C2CD2L: variants seen among roughly 807,000 people sequenced by gnomAD.
C2CD2L encodes the protein C2CD2 like, also known as phospholipid transfer protein C2CD2L.
In C2CD2L, 24 loss-of-function variants were observed where a neutral mutation model predicts 69.9. That is an observed-to-expected ratio of 0.34 (90% CI 0.25 to 0.48). The LOEUF is 0.48. Among genes scored for constraint, C2CD2L ranks in the 20% least tolerant of loss-of-function variants. The pLI is 0.99. For synonymous variants in C2CD2L, 367 were observed against 391.0 expected (o/e 0.94, Z 0.72); for missense variants, 811 against 941.5 (o/e 0.86, Z 1.81).
rs1268917504 is a variant in C2CD2L, at chr11:119,109,959, C to T, written c.355-145C>T. ...AGGCCTTGAGGGGACTACCTCCTGT[C>T]TTAAAGCCCTGAGCCAAGGAGGGGC... is the stretch of plus-strand genomic sequence containing the variant. On this transcript the variant is annotated intron_variant, in intron 1 of 13. Transcript: ENST00000648610. This position sits in a 1 kb window ranked among gnomAD's most constrained non-coding sequence, Gnocchi z 5.1. The T allele has an allele frequency of 6.2e-6, 4 of 645,558 alleles. No homozygotes were observed. Among genetic ancestry groups the T allele is most frequent in the African/African-American group, 5.4e-5 (3 of 55,100 alleles). 40.0% of individuals were successfully genotyped at this position (645,558 alleles called of 1,614,324 possible).
At chr11:119,113,776 C>T in intron 11 of C2CD2L, 64 bp downstream of exon 11, 1 of 1,612,688 alleles carries the variant, frequency 6.2e-7, no homozygotes, top group Non-Finnish European at 8.5e-7. Context: ...AAAAAGTACT[C>T]TGGGTGGGAT....
In C2CD2L at chr11:119,116,073, C is replaced by T. The variant is rs375996486; in HGVS notation, c.1938C>T (p.Leu646=). Residue 646 remains leucine, a synonymous_variant, in exon 14 of 14, where the codon CTC becomes CTT. Transcript: ENST00000648610. ...KVSFLRSGTK[L]IFRRRPRQKE... ...GTTTCCTGCGCAGCGGCACTAAGCT[C>T]ATCTTCCGCCGGAGGCCTAGGCAGA... 8.7e-6 allele frequency: 14 copies of T among 1,613,936 alleles called. No homozygotes were observed. The highest frequency in any genetic ancestry group is 1.7e-5 in the Admixed American group (1 of 60,008).
Position 119,112,518 on chromosome 11 carries a change from C to A in C2CD2L, c.1121C>A (p.Ser374Tyr). The change falls in exon 9 of 14, where the codon TCC (serine) becomes TAC (tyrosine). Residue 374 changes from serine to tyrosine, a missense_variant. Physicochemically the swap from Ser to Tyr is moderately radical, Grantham distance 144 (BLOSUM62 -2). Coordinates refer to ENST00000648610, the MANE Select transcript of C2CD2L (RefSeq NM_001290474.2). ...GGCCAGGCCACACTGCCTGTGGGCT[C>A]CCCCTCCAGACCACTGTCTCGAAGA... ...LLGQATLPVG[S>Y]PSRPLSRRQL... 1 of 1,613,748 alleles carries A rather than the reference C, an allele frequency of 6.2e-7. No individual in the cohort carries two copies. Among genetic ancestry groups the A allele is most frequent in the East Asian group, 2.2e-5 (1 of 44,880 alleles).
rs1457593616 is a variant in C2CD2L at position 119,110,527 on chromosome 11, T to C, written c.451-34T>C. On this transcript the variant is annotated intron_variant, in intron 2 of 13. Transcript: ENST00000648610. This position sits in a 1 kb window ranked among gnomAD's most constrained non-coding sequence, Gnocchi z 5.7. The stretch of plus-strand genomic sequence containing the variant: ...GCAGTTCAAAGCAGGGTGAGCACCC[T>C]TCCCCCACATCTGACCCACCTCGCC... 3.1e-6 allele frequency: 5 copies of C among 1,596,822 alleles called. No individual in the cohort carries two copies. The highest frequency in any genetic ancestry group is 4.3e-6 in the Non-Finnish European group (5 of 1,175,728).
Position 119,116,727 on chromosome 11 carries a change from G to A in C2CD2L, c.*471G>A, listed in dbSNP as rs1054512515. On this transcript the variant is annotated 3_prime_UTR_variant, in exon 14 of 14. Coordinates refer to ENST00000648610, the MANE Select transcript of C2CD2L (RefSeq NM_001290474.2). ...GGTGGGTAATTCCCTTTGGGATGGG[G>A]CTCCCACACCTCCCTCAGGTCCCCA... The A allele has an allele frequency of 1.2e-5, 2 of 166,968 alleles. No homozygotes were observed. The highest frequency in any genetic ancestry group is 1.1e-4 in the Admixed American group (2 of 17,908). The allele number at this position is 166,968 out of a possible 1,614,324, so 10.3% of individuals were successfully genotyped here.
Position 119,114,264 on chromosome 11 carries a change from C to T in C2CD2L, c.1808C>T (p.Thr603Ile). Residue 603 changes from threonine to isoleucine, a missense_variant, in exon 13 of 14, where the codon ACA becomes ATA. Coordinates refer to ENST00000648610, the MANE Select transcript of C2CD2L (RefSeq NM_001290474.2). The surrounding 1 kb of genome is among the most constrained non-coding windows in gnomAD (Gnocchi z 5.1). ...SPTSVQEADE[T>I]TRSDISERPS... ...ACAAGTGTCCAGGAAGCAGACGAGA[C>T]AACCCGTTCGGATATTTCTGAGAGG... 6.2e-7 allele frequency: 1 copy of T among 1,614,160 alleles called. No individual in the cohort carries two copies. Among genetic ancestry groups the T allele is most frequent in the Non-Finnish European group, 8.5e-7 (1 of 1,180,020 alleles).
In C2CD2L at chr11:119,110,746, G is replaced by T; in HGVS notation, c.570+66G>T. Reference sequence around the variant, plus strand: ...TCCATTGGCTCAGCTTCTTCCATTTGTTTCCTCTCTGGGATGGAATTCAGG... The same window carrying T: ...TCCATTGGCTCAGCTTCTTCCATTTTTTTCCTCTCTGGGATGGAATTCAGG... On this transcript the variant is annotated intron_variant, in intron 3 of 13. Coordinates refer to ENST00000648610, the MANE Select transcript of C2CD2L (RefSeq NM_001290474.2). This position sits in a 1 kb window ranked among gnomAD's most constrained non-coding sequence, Gnocchi z 5.7. 1 of 1,608,416 alleles carries T rather than the reference G, an allele frequency of 6.2e-7. No homozygotes were observed.
rs1946883574 is a variant in C2CD2L, at chr11:119,116,111, TGAGCCAA to T, written c.1977_1983del (p.Ser660HisfsTer141). ...AGGCCTAGGCAGAAGGAAGCTGGCC[TGAGCCAA>T]TCACACGATGACCTCTCCAACGCAA... On this transcript the variant is annotated frameshift_variant, in exon 14 of 14. Coordinates refer to ENST00000648610, the MANE Select transcript of C2CD2L (RefSeq NM_001290474.2). LOFTEE classifies it high-confidence loss of function. 1 of 1,614,082 alleles carries T rather than the reference TGAGCCAA, an allele frequency of 6.2e-7. No individual in the cohort carries two copies. The highest frequency in any genetic ancestry group is 1.3e-5 in the African/African-American group (1 of 74,942).
At position 119,110,441 on chromosome 11, in the gene C2CD2L, C is replaced by T; in HGVS notation, c.451-120C>T. On this transcript the variant is annotated intron_variant, in intron 2 of 13. Transcript: ENST00000648610. The surrounding 1 kb of genome is among the most constrained non-coding windows in gnomAD (Gnocchi z 5.7). ...CTGATTCTTTTAGGGATTTATGATC[C>T]TGAAAACATGAAGTCCTTAGGAAAA... 1 of 1,202,514 alleles carries T rather than the reference C, an allele frequency of 8.3e-7. No homozygotes were observed. The highest frequency in any genetic ancestry group is 1.1e-6 in the Non-Finnish European group (1 of 880,604). 74.5% of individuals were successfully genotyped at this position (1,202,514 alleles called of 1,614,324 possible).
chr11:119,102,860 C>CTTTT (rs141575057), upstream of C2CD2L, among the ~76,000 whole-genome samples: 13 of 43,456 alleles, frequency 3.0e-4, no homozygotes, highest in African/African-American at 6.2e-4. Context: ...AATTCACCAG[C>CTTTT]TTTTTTTTTT....
chr11:119,107,453 G>C lies in C2CD2L; in HGVS notation c.-289G>C. ...CCCTCCAGGGTCCGGCGGGGCCCGC[G>C]CGGTGGGAGGAGTCGGGCACTGGCC... On this transcript the variant is annotated 5_prime_UTR_variant, in exon 1 of 14. Transcript: ENST00000648610. This position sits in a 1 kb window ranked among gnomAD's most constrained non-coding sequence, Gnocchi z 5.4. The C allele has an allele frequency of 3.4e-6, 1 of 297,610 alleles. No homozygotes were observed. Among genetic ancestry groups the C allele is most frequent in the Non-Finnish European group, 6.2e-6 (1 of 161,850 alleles). 18.4% of individuals were successfully genotyped at this position (297,610 alleles called of 1,614,324 possible).
At chr11:119,113,749 C>T (rs2134967044) in intron 11 of C2CD2L, 37 bp downstream of exon 11, 1 of 1,613,018 alleles carries the variant, frequency 6.2e-7, no homozygotes, top group African/African-American at 1.3e-5. Context: ...GTGGGTTGGC[C>T]CTGGTGCCCC....
chr11:119,106,111 C>T (rs554591286), upstream of C2CD2L, among the ~76,000 whole-genome samples: 18 of 152,248 alleles, frequency 1.2e-4, no homozygotes, highest in Non-Finnish European at 2.5e-4. Context: ...CACCTCTCCC[C>T]ATCATTCCTT....
In C2CD2L at chr11:119,114,168, G is replaced by C; in HGVS notation, c.1712G>C (p.Gly571Ala). The change falls in exon 13 of 14, where the codon GGA becomes GCA. Residue 571 changes from glycine (G) to alanine (A), a missense_variant. By Grantham distance (60) the Gly-to-Ala change is moderately conservative. Transcript: ENST00000648610. The surrounding 1 kb of genome is among the most constrained non-coding windows in gnomAD (Gnocchi z 5.1). ...GTGCAGGATGATGCAGGGACCAGCG[G>C]AGGCCCCTCTTCACCTCCCTCAGAC... ...ASVQDDAGTS[G>A]GPSSPPSDPP... The C allele has an allele frequency of 6.2e-7, 1 of 1,614,096 alleles. No individual in the cohort carries two copies. The highest frequency in any genetic ancestry group is 8.5e-7 in the Non-Finnish European group (1 of 1,180,004).
rs141643972 is a variant in C2CD2L at position 119,111,082 on chromosome 11, A to G, written c.712A>G (p.Ile238Val). The G allele has an allele frequency of 6.8e-6, 11 of 1,614,040 alleles. No individual in the cohort carries two copies. Among genetic ancestry groups the G allele is most frequent in the South Asian group, 2.2e-5 (2 of 91,088 alleles). Residue 238 changes from isoleucine (I) to valine (V), a missense_variant, in exon 5 of 14, where the codon ATT becomes GTT. By Grantham distance (29) the Ile-to-Val change is conservative (BLOSUM62 3). Coordinates refer to ENST00000648610, the MANE Select transcript of C2CD2L (RefSeq NM_001290474.2). The part of the protein sequence containing the change: ...RGEEQVELST[I>V]EELIKDAIVS... ...TGAAGAACAAGTGGAGCTCTCCACA[A>G]TTGAGGAACTGATCAAGGATGCCAT...
upstream of C2CD2L, among the ~76,000 whole-genome samples, chr11:119,106,402 G>A (rs1320058135): frequency 6.6e-6 from 1 of 152,176 alleles, no homozygotes; most frequent in Non-Finnish European, 1.5e-5. Context: ...AATTCCCCCA[G>A]GATTCCTTTG....
At position 119,111,587 on chromosome 11, in the gene C2CD2L, C is replaced by A. The variant is rs140133210; in HGVS notation, c.977C>A (p.Ala326Glu). The A allele has an allele frequency of 1.9e-6, 3 of 1,614,066 alleles. No homozygotes were observed. Among genetic ancestry groups the A allele is most frequent in the African/African-American group, 1.3e-5 (1 of 75,072 alleles). Residue 326 changes from alanine to glutamate, a missense_variant, in exon 7 of 14, where the codon GCG becomes GAG. Ala to Glu is a moderately radical substitution (Grantham distance 107). Coordinates refer to ENST00000648610, the MANE Select transcript of C2CD2L (RefSeq NM_001290474.2). ...ATGCAGCAGAAGTGGACCAAGCCCGCGAGGGCTGGATCCGAGGTGGAGTGG... is the reference window on the plus strand; with the variant it reads ...ATGCAGCAGAAGTGGACCAAGCCCGAGAGGGCTGGATCCGAGGTGGAGTGG... ...NPMQQKWTKP[A>E]RAGSEVEWTE...
In C2CD2L at chr11:119,113,963, C is replaced by G. The variant is rs770571431; in HGVS notation, c.1598C>G (p.Thr533Ser). 3 of 1,614,192 alleles carry G rather than the reference C, an allele frequency of 1.9e-6. No homozygotes were observed. Among genetic ancestry groups the G allele is most frequent in the Non-Finnish European group, 2.5e-6 (3 of 1,180,024 alleles). The stretch of plus-strand genomic sequence containing the variant: ...AAGAAGACACCCACCAAGCGCAGCA[C>G]TCTCATCATCTCTGGTGTTTCCAAG... The part of the protein sequence containing the change: ...VAKKTPTKRS[T>S]LIISGVSKVP... Residue 533 changes from threonine (T) to serine (S), a missense_variant, in exon 12 of 14, where the codon ACT becomes AGT. Thr to Ser is a moderately conservative substitution (Grantham distance 58). Coordinates refer to ENST00000648610, the MANE Select transcript of C2CD2L (RefSeq NM_001290474.2).
intron 7 of C2CD2L, chr11:119,111,950 G>A (rs1946754293): frequency 4.5e-6 from 2 of 449,344 alleles, no homozygotes; most frequent in African/African-American, 4.0e-5. Context: ...AAGGATCAGA[G>A]TAGGCTTCAT....
Sources: gnomAD v4.1 joint callset for allele counts (sites outside exome capture counted in the v4.1 genomes callset) on GRCh38, gnomAD v4.1.1 for gene constraint, Gnocchi (gnomAD v3.1) non-coding constraint, MANE v1.5 for transcripts, NCBI Gene and HGNC (gene_info 2026-07-23, HGNC 2026-07-21) for gene names.